Variants in C11orf54 observed in about 807,000 individuals in gnomAD.
C11orf54 encodes the protein beta-keto L-gulonate decarboxylase.
C11orf54 carries 29 observed loss-of-function variants against 35.5 expected under a neutral mutation model. The ratio of observed to expected loss-of-function variants is 0.82; its 90% CI spans 0.61 to 1.11. The LOEUF is 1.11. Among genes scored for constraint, C11orf54 ranks in the 50% most tolerant of loss-of-function variants. C11orf54 has a pLI of 0.00. For synonymous variants in C11orf54, 108 were observed against 121.1 expected (o/e 0.89, Z 0.71); for missense variants, 373 against 369.2 (o/e 1.01, Z -0.08).
At chr11:93,755,719 C>T (rs1943102210) in intron 6 of C11orf54, among the ~76,000 whole-genome samples, 2 of 147,620 alleles carry the variant, frequency 1.4e-5, no homozygotes, top group South Asian at 2.1e-4. Context: ...TGCTACTACC[C>T]TCCAGTCTGG....
intron 3 of C11orf54, among the ~76,000 whole-genome samples, chr11:93,752,830 G>A (rs1156478175): frequency 7.0e-6 from 1 of 142,516 alleles, no homozygotes; most frequent in Non-Finnish European, 1.5e-5. Context: ...CTCACTGCCA[G>A]CTCTGCCTCC....
intron 2 of C11orf54, among the ~76,000 whole-genome samples, chr11:93,749,359 G>T (rs1035556827): frequency 2.0e-5 from 3 of 151,932 alleles, no homozygotes; most frequent in Non-Finnish European, 4.4e-5. Flanking sequence ...GCATCCACCT[G>T]TAGTCCCAGC....
intron 7 of C11orf54, among the ~76,000 whole-genome samples, chr11:93,759,445 A>G (rs189425231): frequency 3.1e-4 from 47 of 152,248 alleles, no homozygotes; most frequent in Admixed American, 2.5e-3. Flanking sequence ...TTGTTGAACA[A>G]TGGGAACACA....
intron 2 of C11orf54, 21 bp downstream of exon 2, chr11:93,747,469 G>A: frequency 6.4e-7 from 1 of 1,562,686 alleles, no homozygotes; most frequent in Non-Finnish European, 8.6e-7. Flanking sequence ...TATTAACTTT[G>A]GATTTTTAAA....
chr11:93,761,568 T>TGG lies in C11orf54; in HGVS notation c.829_830dup (p.His278AspfsTer11), dbSNP rs1305664456. 4 of 1,612,240 alleles carry TGG rather than the reference T, an allele frequency of 2.5e-6. No individual in the cohort carries two copies. The highest frequency in any genetic ancestry group is 3.4e-6 in the Non-Finnish European group (4 of 1,179,280). On this transcript the variant is annotated frameshift_variant, in exon 9 of 9. Coordinates refer to ENST00000354421, the MANE Select transcript of C11orf54 (RefSeq NM_001286069.2). LOFTEE classifies it high-confidence loss of function. ...ATTTTTTTAGTCGTCATGGAGAAGG[T>TGG]GGACACTACCATTATGACACTACTC...
At chr11:93,755,178 A>C (rs530019873) in intron 5 of C11orf54, 32 bp from the exon 6 acceptor site, 1 of 1,601,514 alleles carries the variant, frequency 6.2e-7, no homozygotes, top group South Asian at 1.1e-5. Flanking sequence ...CAGAGATACA[A>C]AGATTGACTA....
chr11:93,759,945 T>C, intron 8 of C11orf54, 87 bp downstream of exon 8: 1 of 709,558 alleles, frequency 1.4e-6, no homozygotes, highest in Non-Finnish European at 2.2e-6. Context: ...ACTTTTGTGT[T>C]TGTTGTTGTT....
rs867127867 is a variant in C11orf54, at chr11:93,761,533, G to A, written c.793G>A (p.Glu265Lys). 10 of 1,608,882 alleles carry A rather than the reference G, an allele frequency of 6.2e-6. No homozygotes were observed. The South Asian group carries it at 1.1e-4, about 18-fold the overall frequency. Residue 265 changes from glutamate (E) to lysine (K), a missense_variant, in exon 9 of 9, where the codon GAG becomes AAG. Transcript: ENST00000354421. ...ATCTTAGGGGTTTGATTTGCGACTG[G>A]AGCACACTCATTTTTTTAGTCGTCA... ...SRDPGFDLRL[E>K]HTHFFSRHGE...
chr11:93,741,685 G>A lies in C11orf54; in HGVS notation c.-141G>A. ...TTCTGAGGAGGCGGGGTTGGCCTAG[G>A]CGAAGATCCGGACTCTGGGTGTTTT... On this transcript the variant is annotated 5_prime_UTR_variant, in exon 1 of 9. Coordinates refer to ENST00000354421, the MANE Select transcript of C11orf54 (RefSeq NM_001286069.2). 2.8e-6 allele frequency: 1 copy of A among 357,208 alleles called. No homozygotes were observed. The highest frequency in any genetic ancestry group is 5.5e-6 in the Non-Finnish European group (1 of 180,918). The allele number at this position is 357,208 out of a possible 1,614,324, so 22.1% of individuals were successfully genotyped here. A position where few individuals can be genotyped will look rare whatever the true frequency, so the allele number is the denominator to read the frequency against.
intron 1 of C11orf54, among the ~76,000 whole-genome samples, chr11:93,744,395 A>G (rs887329816): frequency 1.3e-5 from 2 of 152,358 alleles, no homozygotes; most frequent in East Asian, 1.9e-4. Context: ...AGGGAATAAA[A>G]TTAAGATTAC....
In C11orf54 at chr11:93,741,794, G is replaced by A. The variant is rs181147780; in HGVS notation, c.-98+66G>A. The A allele has an allele frequency of 7.6e-4, 204 of 270,190 alleles. 1 individual carries two copies. Among genetic ancestry groups the A allele is most frequent in the African/African-American group, 4.4e-3 (194 of 43,902 alleles). 16.7% of individuals were successfully genotyped at this position (270,190 alleles called of 1,614,324 possible). A position where few individuals can be genotyped will look rare whatever the true frequency, so the allele number is the denominator to read the frequency against. ...ACAAAACGTGCGGTCACTTGTGAGTGGATGAGAACTGTGAGGAAACAGCCT... is the reference window on the plus strand; with the variant it reads ...ACAAAACGTGCGGTCACTTGTGAGTAGATGAGAACTGTGAGGAAACAGCCT... On this transcript the variant is annotated intron_variant, in intron 1 of 8. Coordinates refer to ENST00000354421, the MANE Select transcript of C11orf54 (RefSeq NM_001286069.2).
intron 5 of C11orf54, among the ~76,000 whole-genome samples, chr11:93,754,346 A>AAGAG (rs1943012434): frequency 6.6e-6 from 1 of 152,334 alleles, no homozygotes; most frequent in African/African-American, 2.4e-5. Flanking sequence ...GAGCTTATCT[A>AAGAG]TAAATCTTTG....
intron 3 of C11orf54, among the ~76,000 whole-genome samples, chr11:93,752,452 G>A (rs1027149242): frequency 3.3e-5 from 5 of 152,164 alleles, no homozygotes; most frequent in African/African-American, 4.8e-5. Context: ...ACCTCTCCAC[G>A]TATTTCATAC....
At chr11:93,743,416 G>A (rs990893361) in intron 1 of C11orf54, among the ~76,000 whole-genome samples, 1 of 152,230 alleles carries the variant, frequency 6.6e-6, no homozygotes, top group African/African-American at 2.4e-5. Flanking sequence ...TGCGGCTGCG[G>A]TGCCTCACTT....
chr11:93,751,639 C>T (rs1197782785), intron 3 of C11orf54, among the ~76,000 whole-genome samples: 9 of 151,626 alleles, frequency 5.9e-5, no homozygotes, highest in Non-Finnish European at 1.2e-4. Context: ...CTCCTGACCT[C>T]GTGATCCGCC....
chr11:93,745,303 G>A (rs1457694844), intron 1 of C11orf54, among the ~76,000 whole-genome samples: 1 of 152,186 alleles, frequency 6.6e-6, no homozygotes, highest in Non-Finnish European at 1.5e-5. Flanking sequence ...GGCTGTCTCA[G>A]TGGGGGGAAT....
intron 2 of C11orf54, among the ~76,000 whole-genome samples, chr11:93,749,940 TAG>T (rs1942722928): frequency 1.3e-5 from 2 of 152,362 alleles, no homozygotes; most frequent in African/African-American, 4.8e-5. Flanking sequence ...ATATTGTATG[TAG>T]TGTTTTGTGT....
At chr11:93,758,738 T>G (rs1268827458) in intron 7 of C11orf54, among the ~76,000 whole-genome samples, 2 of 152,244 alleles carry the variant, frequency 1.3e-5, no homozygotes, top group East Asian at 1.9e-4. Context: ...GAGCGGCGGC[T>G]GAGAGCAGCT....
At chr11:93,744,770 GAC>G (rs1047239681) in intron 1 of C11orf54, among the ~76,000 whole-genome samples, 1 of 152,208 alleles carries the variant, frequency 6.6e-6, no homozygotes, top group African/African-American at 2.4e-5. Context: ...AAATAAATAA[GAC>G]ACAAAGTATA....
Sources: gnomAD v4.1 joint callset for allele counts (sites outside exome capture counted in the v4.1 genomes callset) on GRCh38, gnomAD v4.1.1 for gene constraint, MANE v1.5 for transcripts, NCBI Gene and HGNC (gene_info 2026-07-23, HGNC 2026-07-21) for gene names.